SEMA3D: variants seen among roughly 807,000 people sequenced by gnomAD.
SEMA3D encodes semaphorin 3D.
In SEMA3D, 84 loss-of-function variants were observed where a neutral mutation model predicts 100.1. That is an observed-to-expected ratio of 0.84 (90% CI 0.70 to 1.01). SEMA3D has a LOEUF of 1.01. Ranked by LOEUF, SEMA3D falls within the 50% of genes least tolerant of loss-of-function variation. The pLI, the probability that SEMA3D is intolerant of heterozygous loss-of-function variation, is 0.00. For synonymous variants in SEMA3D, 312 were observed against 320.7 expected (o/e 0.97, Z 0.29); for missense variants, 875 against 934.1 (o/e 0.94, Z 0.82).
chr7:85,094,769 G>A (rs573099068), intron 4 of SEMA3D, among the ~76,000 whole-genome samples: 1 of 151,990 alleles, frequency 6.6e-6, no homozygotes, highest in South Asian at 2.1e-4. Context: ...CCGTCCCAGA[G>A]AAGGAGTCCA....
At chr7:85,067,197 T>C (rs1791652616) in intron 7 of SEMA3D, among the ~76,000 whole-genome samples, 2 of 152,182 alleles carry the variant, frequency 1.3e-5, no homozygotes, top group Non-Finnish European at 2.9e-5. Flanking sequence ...AAATTAGATC[T>C]GAATATCCAG....
At chr7:85,159,971 T>G (rs1460109005) in intron 1 of SEMA3D, 1 of 984,382 alleles carries the variant, frequency 1.0e-6, no homozygotes, top group Non-Finnish European at 1.2e-6. Context: ...CTACGGTAAC[T>G]ACTCCAGAGG....
rs1413581104 is a variant in SEMA3D, at chr7:84,999,785, A to C, written c.1989T>G (p.Tyr663Ter). 3 of 1,614,014 alleles carry C rather than the reference A, an allele frequency of 1.9e-6. No individual in the cohort carries two copies. Among genetic ancestry groups the C allele is most frequent in the Non-Finnish European group, 2.5e-6 (3 of 1,179,974 alleles). ...AAGTGTGCTCCTGGGCTTTGCAGTA[A>C]TACATCCCAGAATCCTTCTTCTGCA... Reference protein sequence around the residue: ...RSLQKKDSGMYYCKAQEHTFI... With the variant: ...RSLQKKDSGM The change falls in exon 19 of 19, where the codon TAT becomes TAG. Residue 663 changes from tyrosine (Y) to a stop codon, truncating the protein, a stop_gained. Coordinates refer to ENST00000284136, the MANE Select transcript of SEMA3D (RefSeq NM_001384900.1). LOFTEE classifies it high-confidence loss of function.
chr7:85,082,485 G>C (rs1209844637), intron 4 of SEMA3D, among the ~76,000 whole-genome samples: 1 of 152,162 alleles, frequency 6.6e-6, no homozygotes, highest in Non-Finnish European at 1.5e-5. Flanking sequence ...TAAGCTATAA[G>C]CAAGAAGGAA....
chr7:85,124,322 C>T (rs1023338769), intron 2 of SEMA3D, among the ~76,000 whole-genome samples: 1 of 151,678 alleles, frequency 6.6e-6, no homozygotes, highest in Non-Finnish European at 1.5e-5. Context: ...AATTCCAATA[C>T]AAGTTTTAAA....
chr7:85,128,152 ATTTT>A (rs2116424209), intron 2 of SEMA3D, among the ~76,000 whole-genome samples: 1 of 151,212 alleles, frequency 6.6e-6, no homozygotes, highest in African/African-American at 2.4e-5. Flanking sequence ...TATTTATTTT[ATTTT>A]ATTTTATTAT....
At chr7:85,096,953 C>CT (rs1417534185) in intron 4 of SEMA3D, among the ~76,000 whole-genome samples, 5 of 151,526 alleles carry the variant, frequency 3.3e-5, no homozygotes, top group Non-Finnish European at 5.9e-5. Flanking sequence ...TGCTCCTAAT[C>CT]TTTTTTTTCA....
intron 3 of SEMA3D, among the ~76,000 whole-genome samples, chr7:85,101,504 C>G (rs1013779900): frequency 3.3e-5 from 5 of 151,938 alleles, no homozygotes; most frequent in African/African-American, 1.2e-4. Context: ...GTCACTTAAC[C>G]TCTCTGTGTC....
Position 85,149,971 on chromosome 7 carries a change from T to C in SEMA3D, c.-41+3637A>G, listed in dbSNP as rs988398899. Among the ~76,000 whole-genome samples, 5 of 152,050 alleles carry C rather than the reference T, an allele frequency of 3.3e-5. No homozygotes were observed. The East Asian group carries it at 7.7e-4, about 24-fold the overall frequency. On this transcript the variant is annotated intron_variant, in intron 2 of 18. Coordinates refer to ENST00000284136, the MANE Select transcript of SEMA3D (RefSeq NM_001384900.1). Reference sequence around the variant, plus strand: ...GGTTACATTCAAGGGGTCATAGCCATGTGAAGTTGGGTTCTTAGTAAAGCA... The same window carrying C: ...GGTTACATTCAAGGGGTCATAGCCACGTGAAGTTGGGTTCTTAGTAAAGCA...
intron 3 of SEMA3D, among the ~76,000 whole-genome samples, chr7:85,119,174 A>G (rs1789335680): frequency 6.6e-6 from 1 of 152,194 alleles, no homozygotes; most frequent in Admixed American, 6.5e-5. Context: ...GTGGGAGTGT[A>G]AATTAGTTTA....
chr7:85,017,093 A>C (rs2115820089), intron 15 of SEMA3D, among the ~76,000 whole-genome samples: 1 of 151,866 alleles, frequency 6.6e-6, no homozygotes, highest in South Asian at 2.1e-4. Flanking sequence ...TTATTACAAT[A>C]AGCTATAGTC....
the SEMA3D span, among the ~76,000 whole-genome samples, chr7:85,201,748 T>C: frequency 6.6e-6 from 1 of 152,032 alleles, no homozygotes; most frequent in Admixed American, 6.6e-5. Context: ...AGAGGGTCTC[T>C]CTCTCTCTGT....
intron 12 of SEMA3D, among the ~76,000 whole-genome samples, chr7:85,034,522 G>A (rs1433780120): frequency 2.0e-5 from 3 of 151,992 alleles, no homozygotes; most frequent in Admixed American, 6.6e-5. Context: ...CAGGAGAAGT[G>A]CTTGAACTCG....
intron 1 of SEMA3D, among the ~76,000 whole-genome samples, chr7:85,175,836 T>C (rs1360104161): frequency 3.9e-5 from 6 of 151,958 alleles, no homozygotes; most frequent in Non-Finnish European, 8.8e-5. Flanking sequence ...AGACCGGAGA[T>C]AGTGTGGTCA....
At chr7:85,163,577 T>C (rs898412688) in intron 1 of SEMA3D, among the ~76,000 whole-genome samples, 1 of 152,082 alleles carries the variant, frequency 6.6e-6, no homozygotes, top group African/African-American at 2.4e-5. Flanking sequence ...TAAAGATGAA[T>C]TTTTTAAAGT....
chr7:85,036,284 A>G (rs1437318492), intron 12 of SEMA3D, among the ~76,000 whole-genome samples: 1 of 152,080 alleles, frequency 6.6e-6, no homozygotes, highest in Non-Finnish European at 1.5e-5. Flanking sequence ...TGTTTTAAAC[A>G]ATTGTATAAA....
intron 8 of SEMA3D, among the ~76,000 whole-genome samples, chr7:85,062,842 T>G (rs1791514438): frequency 6.6e-6 from 1 of 152,124 alleles, no homozygotes; most frequent in Non-Finnish European, 1.5e-5. Flanking sequence ...TAGGAAACAC[T>G]GGAACACAGG....
At position 85,072,955 on chromosome 7, in the gene SEMA3D, A is replaced by C; in HGVS notation, c.495+7T>G. 4 of 1,588,264 alleles carry C rather than the reference A, an allele frequency of 2.5e-6. No homozygotes were observed. The highest frequency in any genetic ancestry group is 3.4e-6 in the Non-Finnish European group (4 of 1,168,604). ...ATTATGCTTTTCATGCTTTTTCATT[A>C]TATTACCTCCTTGTAGACTCCAAGA... On this transcript the variant is annotated splice_region_variant and intron_variant, in intron 6 of 18. Transcript: ENST00000284136.
At chr7:85,163,957 T>C (rs1396938854) in intron 1 of SEMA3D, among the ~76,000 whole-genome samples, 2 of 152,186 alleles carry the variant, frequency 1.3e-5, no homozygotes, top group Non-Finnish European at 2.9e-5. Context: ...ATTTTGTAAA[T>C]GGAAACATCA....
Sources: allele counts gnomAD v4.1 joint callset (sites outside exome capture counted in the v4.1 genomes callset), GRCh38; gene constraint gnomAD v4.1.1; transcripts MANE v1.5; gene names NCBI Gene and HGNC (gene_info 2026-07-23, HGNC 2026-07-21).